The following ERICH6B variants were observed in gnomAD, a reference collection of about 807,000 sequenced individuals.
ERICH6B encodes glutamate rich 6B.
In ERICH6B, 69 loss-of-function variants were observed where a neutral mutation model predicts 80.0. That is an observed-to-expected ratio of 0.86 (90% CI 0.71 to 1.05). The LOEUF (loss-of-function observed/expected upper bound fraction) is 1.05, where lower values mean the gene tolerates loss of function less well. Ranked by LOEUF, ERICH6B falls within the 50% of genes least tolerant of loss-of-function variation. The pLI, the probability that ERICH6B is intolerant of heterozygous loss-of-function variation, is 0.00. For synonymous variants in ERICH6B, 283 were observed against 291.9 expected (o/e 0.97, Z 0.31); for missense variants, 754 against 796.1 (o/e 0.95, Z 0.64).
Position 45,550,049 on chromosome 13 carries a change from G to A in ERICH6B, c.1494-4C>T, listed in dbSNP as rs1260902015. The A allele has an allele frequency of 6.4e-7, 1 of 1,551,508 alleles. No homozygotes were observed. Among genetic ancestry groups the A allele is most frequent in the Non-Finnish European group, 8.7e-7 (1 of 1,147,066 alleles). ...AGCCAGGTTTCCTGATGGATAACTG[G>A]GAGAAGGTTAAGGCACAAGTAGTCA... On this transcript the variant is annotated splice_region_variant and splice_polypyrimidine_tract_variant and intron_variant, in intron 12 of 14. Coordinates refer to ENST00000298738, the MANE Select transcript of ERICH6B (RefSeq NM_182542.3).
At chr13:45,607,515 C>T (rs1949875068) in intron 2 of ERICH6B, 49 bp downstream of exon 2, 1 of 152,260 alleles carries the variant, frequency 6.6e-6, no homozygotes, top group Non-Finnish European at 1.5e-5. Flanking sequence ...GTGTAATCTT[C>T]AAGACATGGG....
intron 11 of ERICH6B, among the ~76,000 whole-genome samples, chr13:45,559,539 C>T (rs1172719176): frequency 1.3e-5 from 2 of 151,982 alleles, no homozygotes; most frequent in Non-Finnish European, 2.9e-5. Flanking sequence ...TTTAGGGCCA[C>T]TAACTTTCCT....
intron 9 of ERICH6B, among the ~76,000 whole-genome samples, chr13:45,564,606 C>A (rs1027388615): frequency 2.6e-5 from 4 of 152,202 alleles, no homozygotes; most frequent in Admixed American, 1.3e-4. Context: ...TAGCACAGAG[C>A]AATGGTTCCC....
chr13:45,568,221 T>A, intron 9 of ERICH6B, 94 bp downstream of exon 9: 1 of 1,368,580 alleles, frequency 7.3e-7, no homozygotes, highest in Non-Finnish European at 9.6e-7. Context: ...TGACTTGCTC[T>A]TTTTTGTTGA....
At chr13:45,609,436 C>T (rs1031244759) in intron 1 of ERICH6B, among the ~76,000 whole-genome samples, 4 of 152,220 alleles carry the variant, frequency 2.6e-5, no homozygotes, top group Admixed American at 2.6e-4. Context: ...TCTAAAACTG[C>T]CACCCCTGAC....
chr13:45,563,222 C>T (rs1052061873), intron 10 of ERICH6B, among the ~76,000 whole-genome samples: 9 of 152,168 alleles, frequency 5.9e-5, no homozygotes, highest in African/African-American at 1.4e-4. Context: ...GTACCCCACT[C>T]CCCCAAATCT....
chr13:45,561,529 G>T lies in ERICH6B; in HGVS notation c.1250-3C>A, dbSNP rs1874682215. On this transcript the variant is annotated splice_region_variant and splice_polypyrimidine_tract_variant and intron_variant, in intron 10 of 14. Coordinates refer to ENST00000298738, the MANE Select transcript of ERICH6B (RefSeq NM_182542.3). ...GGTCATCTCTGTTAACTTTTGAGCT[G>T]CCATTCAATTCAACGATTGCATTGA... The T allele has an allele frequency of 1.3e-6, 2 of 1,550,698 alleles. No homozygotes were observed. Among genetic ancestry groups the T allele is most frequent in the Admixed American group, 3.9e-5 (2 of 50,864 alleles).
At position 45,549,945 on chromosome 13, in the gene ERICH6B, G is replaced by T; in HGVS notation, c.1594C>A (p.Leu532Ile). Reference protein sequence around the residue: ...EDSLEGRIRALINNSGNATFY... With the variant: ...EDSLEGRIRAIINNSGNATFY... ...GTAGCATTGCCTGAGTTGTTGATAA[G>T]GGCCCGGATCCTCCCTTCTAGACTG... Residue 532 changes from leucine (L) to isoleucine (I), a missense_variant, in exon 13 of 15, where the codon CTT becomes ATT. Coordinates refer to ENST00000298738, the MANE Select transcript of ERICH6B (RefSeq NM_182542.3). The T allele has an allele frequency of 6.4e-7, 1 of 1,551,586 alleles. No individual in the cohort carries two copies. The highest frequency in any genetic ancestry group is 1.2e-5 in the South Asian group (1 of 84,054).
rs1353579126 is a variant in ERICH6B at position 45,579,980 on chromosome 13, A to G, written c.920-6T>C. The G allele has an allele frequency of 3.2e-6, 5 of 1,543,402 alleles. No individual in the cohort carries two copies. The highest frequency in any genetic ancestry group is 4.4e-6 in the Non-Finnish European group (5 of 1,142,812). ...TACTTTAGTGTTAACATGCTCTAAA[A>G]AAGAATAAGAAAAATTATTAACAGG... On this transcript the variant is annotated splice_polypyrimidine_tract_variant and splice_region_variant and intron_variant, in intron 6 of 14. Coordinates refer to ENST00000298738, the MANE Select transcript of ERICH6B (RefSeq NM_182542.3).
Position 45,596,513 on chromosome 13 carries a change from C to T in ERICH6B, c.493G>A (p.Glu165Lys). The T allele has an allele frequency of 1.3e-6, 2 of 1,552,112 alleles. No individual in the cohort carries two copies. Among genetic ancestry groups the T allele is most frequent in the East Asian group, 2.4e-5 (1 of 40,910 alleles). Residue 165 changes from glutamate (E) to lysine (K), a missense_variant, in exon 3 of 15, where the codon GAG becomes AAG. Transcript: ENST00000298738. ...VDYLGKKAYL[E>K]EEEYLGKKSY... ...TTCTTCCCCAGATACTCCTCCTCCTCCAGATACGCTTTCTTCCCCAGATAA... is the reference window on the plus strand; with the variant it reads ...TTCTTCCCCAGATACTCCTCCTCCTTCAGATACGCTTTCTTCCCCAGATAA...
chr13:45,545,078 G>T (rs1357325204), intron 13 of ERICH6B, 93 bp from the exon 14 acceptor site: 3 of 1,082,646 alleles, frequency 2.8e-6, no homozygotes, highest in Non-Finnish European at 4.0e-6. Flanking sequence ...CCCCTACTTG[G>T]CACAGAAAGA....
chr13:45,544,775 C>A lies in ERICH6B; in HGVS notation c.1857G>T (p.Leu619=). Residue 619 remains leucine, a synonymous_variant, in exon 14 of 15, where the codon CTG becomes CTT. Coordinates refer to ENST00000298738, the MANE Select transcript of ERICH6B (RefSeq NM_182542.3). ...TYEQKQICLN[L]GTRYKFVIPE... is the part of the protein sequence containing the mutation. The stretch of plus-strand genomic sequence containing the variant: ...GTGACCTTACCTTGTACCTGGTGCC[C>A]AGGTTTAAACAAATCTGCTTCTGTT... 4.5e-6 allele frequency: 7 copies of A among 1,551,654 alleles called. No individual in the cohort carries two copies. The highest frequency in any genetic ancestry group is 6.1e-6 in the Non-Finnish European group (7 of 1,146,988).
chr13:45,603,121 G>A lies in ERICH6B; in HGVS notation c.-59+4443C>T, dbSNP rs769597829. 5.7e-4 allele frequency among the ~76,000 whole-genome samples: 86 copies of A among 152,182 alleles called. 1 individual carries two copies. Among genetic ancestry groups the A allele is most frequent in the Non-Finnish European group, 4.1e-4 (28 of 68,034 alleles). On this transcript the variant is annotated intron_variant, in intron 2 of 14. Coordinates refer to ENST00000298738, the MANE Select transcript of ERICH6B (RefSeq NM_182542.3). ...CCAGGACTTCCAAGGTCCTAGGGCA[G>A]GAGAAGATGGATGTCCCAGACCAAG...
intron 14 of ERICH6B, among the ~76,000 whole-genome samples, chr13:45,543,150 G>A (rs539095574): frequency 1.3e-4 from 20 of 152,226 alleles, no homozygotes; most frequent in East Asian, 3.9e-4. Context: ...GGAATGGGCC[G>A]GGGGAGCTGA....
At chr13:45,552,074 A>G (rs763753191) in intron 11 of ERICH6B, among the ~76,000 whole-genome samples, 70 of 152,190 alleles carry the variant, frequency 4.6e-4, no homozygotes, top group Admixed American at 1.4e-3. Flanking sequence ...AAATATTTTC[A>G]GATTTGACAC....
chr13:45,584,659 G>C (rs1445876240), intron 5 of ERICH6B, among the ~76,000 whole-genome samples: 1 of 152,190 alleles, frequency 6.6e-6, no homozygotes, highest in African/African-American at 2.4e-5. Context: ...ACGACTGCTT[G>C]GTGACAGGGA....
At chr13:45,603,749 C>G (rs981776218) in intron 2 of ERICH6B, among the ~76,000 whole-genome samples, 2 of 152,212 alleles carry the variant, frequency 1.3e-5, no homozygotes, top group East Asian at 3.9e-4. Flanking sequence ...GTCCCTTAAC[C>G]TGCCATCCTT....
At chr13:45,586,415 A>G (rs1875904003) in intron 5 of ERICH6B, among the ~76,000 whole-genome samples, 1 of 152,052 alleles carries the variant, frequency 6.6e-6, no homozygotes, top group Non-Finnish European at 1.5e-5. Context: ...ATAATTAATA[A>G]CGGCAAGAAA....
At chr13:45,594,954 A>T (rs568836870) in intron 3 of ERICH6B, among the ~76,000 whole-genome samples, 1 of 152,326 alleles carries the variant, frequency 6.6e-6, no homozygotes, top group South Asian at 2.1e-4. Context: ...CACATTAGTC[A>T]CTGCTAGCAA....
Sources: gnomAD v4.1 joint callset for allele counts (sites outside exome capture counted in the v4.1 genomes callset) on GRCh38, gnomAD v4.1.1 for gene constraint, MANE v1.5 for transcripts, NCBI Gene and HGNC (gene_info 2026-07-23, HGNC 2026-07-21) for gene names.